Variants in CDK8 observed in about 807,000 individuals in gnomAD.
CDK8 encodes the protein cyclin-dependent kinase 8.
Under a neutral mutation model 71.5 loss-of-function variants are expected in CDK8, and 29 were observed. That is an observed-to-expected ratio of 0.41 (90% confidence interval 0.30 to 0.55). The LOEUF (loss-of-function observed/expected upper bound fraction) is 0.55. Among genes scored for constraint, CDK8 ranks in the 20% least tolerant of loss-of-function variants. CDK8 has a pLI of 0.37. For synonymous variants in CDK8, 161 were observed against 192.1 expected, an observed-to-expected ratio of 0.84 and a Z score of 1.34; for missense variants, 288 against 572.6, an observed-to-expected ratio of 0.50 and a Z score of 5.07.
chr13:26,267,789 T>C (rs1872091776), intron 1 of CDK8, among the ~76,000 whole-genome samples: 1 of 152,210 alleles, frequency 6.6e-6, no homozygotes, highest in African/African-American at 2.4e-5. Context: ...TACAACATGC[T>C]GTCAGATGGA....
chr13:26,255,193 C>CT (rs1432218866), intron 1 of CDK8, among the ~76,000 whole-genome samples: 1 of 152,006 alleles, frequency 6.6e-6, no homozygotes, highest in African/African-American at 2.4e-5. Flanking sequence ...GGCTGTGATC[C>CT]TTTCCCCCAC....
chr13:26,328,453 C>T (rs553303226), intron 1 of CDK8, among the ~76,000 whole-genome samples: 8 of 152,300 alleles, frequency 5.3e-5, no homozygotes, highest in Admixed American at 2.6e-4. Flanking sequence ...AAATTTAATT[C>T]TCCAGAACAG....
At chr13:26,278,972 G>A (rs1039558284) in intron 1 of CDK8, among the ~76,000 whole-genome samples, 2 of 152,146 alleles carry the variant, frequency 1.3e-5, no homozygotes, top group African/African-American at 4.8e-5. Flanking sequence ...GAGATGGTGT[G>A]TGTAGGTTTC....
chr13:26,350,695 A>G (rs1873648701), intron 3 of CDK8, among the ~76,000 whole-genome samples: 1 of 152,168 alleles, frequency 6.6e-6, no homozygotes, highest in Non-Finnish European at 1.5e-5. Context: ...GGCCTCCCAA[A>G]GTGCTGAGAT....
At chr13:26,355,386 C>T (rs1203931750) in intron 4 of CDK8, among the ~76,000 whole-genome samples, 4 of 152,128 alleles carry the variant, frequency 2.6e-5, no homozygotes, top group African/African-American at 7.2e-5. Flanking sequence ...GAGGCCAAGG[C>T]GGGTGGATCA....
At chr13:26,353,534 T>A (rs1297824461) in intron 3 of CDK8, among the ~76,000 whole-genome samples, 1 of 152,164 alleles carries the variant, frequency 6.6e-6, no homozygotes, top group Non-Finnish European at 1.5e-5. Context: ...TCTCCTGAAA[T>A]GCTGTCATAT....
At chr13:26,346,999 A>G (rs1223518848) in intron 2 of CDK8, among the ~76,000 whole-genome samples, 1 of 152,186 alleles carries the variant, frequency 6.6e-6, no homozygotes, top group Non-Finnish European at 1.5e-5. Context: ...TTTGAAGCAC[A>G]TTTGGAAGGC....
chr13:26,392,706 G>T (rs1243508427), intron 6 of CDK8, among the ~76,000 whole-genome samples: 1 of 151,920 alleles, frequency 6.6e-6, no homozygotes, highest in Non-Finnish European at 1.5e-5. Flanking sequence ...TGCAAAATCT[G>T]ATACTGCTTA....
At chr13:26,306,043 C>A (rs1276950236) in intron 1 of CDK8, among the ~76,000 whole-genome samples, 2 of 152,068 alleles carry the variant, frequency 1.3e-5, no homozygotes, top group African/African-American at 2.4e-5. Context: ...ATAGTATCTT[C>A]TAGCAATAAG....
chr13:26,357,891 C>G (rs1173389834), intron 4 of CDK8, among the ~76,000 whole-genome samples: 1 of 152,186 alleles, frequency 6.6e-6, no homozygotes, highest in Non-Finnish European at 1.5e-5. Context: ...ATGTGTTTTA[C>G]TCAAAGTCCA....
chr13:26,268,661 TA>T (rs974582347), intron 1 of CDK8, among the ~76,000 whole-genome samples: 1 of 151,990 alleles, frequency 6.6e-6, no homozygotes, highest in Non-Finnish European at 1.5e-5. Context: ...TGGTGGGGAT[TA>T]AAAAAAACTC....
intron 1 of CDK8, among the ~76,000 whole-genome samples, chr13:26,306,369 A>G (rs1033741842): frequency 4.6e-5 from 7 of 152,166 alleles, no homozygotes; most frequent in East Asian, 1.9e-4. Context: ...TTCTTTGACT[A>G]TCATTAAATT....
chr13:26,285,124 A>T (rs1294499529), intron 1 of CDK8, among the ~76,000 whole-genome samples: 7 of 152,198 alleles, frequency 4.6e-5, no homozygotes, highest in Non-Finnish European at 1.0e-4. Context: ...CTGTAATTCC[A>T]GCTACTCAGG....
chr13:26,329,469 G>GTTTTTTTTTT (rs35796023), intron 1 of CDK8, among the ~76,000 whole-genome samples: 2 of 71,564 alleles, frequency 2.8e-5, no homozygotes, highest in African/African-American at 4.0e-5. Context: ...GCCTATTTCT[G>GTTTTTTTTTT]TTTTTTTTTT....
intron 9 of CDK8, among the ~76,000 whole-genome samples, chr13:26,398,128 A>G (rs1013643285): frequency 6.6e-6 from 1 of 152,022 alleles, no homozygotes; most frequent in Non-Finnish European, 1.5e-5. Flanking sequence ...TTACTATTAT[A>G]TCAGTTCACA....
chr13:26,323,684 GGT>G (rs1243763928), intron 1 of CDK8, among the ~76,000 whole-genome samples: 1 of 151,920 alleles, frequency 6.6e-6, no homozygotes, highest in Non-Finnish European at 1.5e-5. Context: ...TTTTGAGTGT[GGT>G]TTTAAATTTT....
At chr13:26,350,376 TGTAGTCCC>T (rs764235662) in intron 3 of CDK8, among the ~76,000 whole-genome samples, 1 of 152,184 alleles carries the variant, frequency 6.6e-6, no homozygotes, top group Non-Finnish European at 1.5e-5. Context: ...GGGTCACACC[TGTAGTCCC>T]AACACTTTGG....
chr13:26,323,978 A>T (rs1251924125), intron 1 of CDK8, among the ~76,000 whole-genome samples: 1 of 152,122 alleles, frequency 6.6e-6, no homozygotes, highest in Non-Finnish European at 1.5e-5. Context: ...GGTCCCTAAC[A>T]TGTTTGTACC....
At chr13:26,301,973 C>T (rs1027718456) in intron 1 of CDK8, among the ~76,000 whole-genome samples, 1 of 152,200 alleles carries the variant, frequency 6.6e-6, no homozygotes, top group African/African-American at 2.4e-5. Flanking sequence ...ATTACATTCT[C>T]TATTTCTGAC....
Sources: gnomAD v4.1 joint callset for allele counts (sites outside exome capture counted in the v4.1 genomes callset) on GRCh38, gnomAD v4.1.1 for gene constraint, MANE v1.5 for transcripts, NCBI Gene and HGNC (gene_info 2026-07-23, HGNC 2026-07-21) for gene names.